The following LIMS1 variants were observed in gnomAD, a reference collection of about 807,000 sequenced individuals.
LIMS1 encodes LIM zinc finger domain containing 1.
Under a neutral mutation model 44.1 loss-of-function variants are expected in LIMS1, and 18 were observed. That is an observed-to-expected ratio of 0.41 (90% CI 0.28 to 0.61). LIMS1 has a LOEUF of 0.61. Ranked by LOEUF, LIMS1 falls within the 20% of genes least tolerant of loss-of-function variation. LIMS1 has a pLI of 0.32. For missense variants in LIMS1, 201 were observed against 422.0 expected, an observed-to-expected ratio of 0.48 and a Z score of 4.59; for synonymous variants, 93 against 149.1, an observed-to-expected ratio of 0.62 and a Z score of 2.74.
At chr2:108,613,247 C>T (rs1412591973) in intron 1 of LIMS1, among the ~76,000 whole-genome samples, 1 of 152,160 alleles carries the variant, frequency 6.6e-6, no homozygotes, top group Non-Finnish European at 1.5e-5. Flanking sequence ...TACAAGCAAA[C>T]ATTTTTATGT....
chr2:108,559,528 C>G (rs111441323), intron 1 of LIMS1, among the ~76,000 whole-genome samples: 26 of 152,222 alleles, frequency 1.7e-4, no homozygotes, highest in African/African-American at 5.1e-4. Flanking sequence ...GTTTGCAGCA[C>G]AGTGCTAGGT....
intron 1 of LIMS1, among the ~76,000 whole-genome samples, chr2:108,618,910 A>T (rs1688082335): frequency 6.6e-6 from 1 of 151,768 alleles, no homozygotes; most frequent in Admixed American, 6.6e-5. Flanking sequence ...TGGCAGTTTC[A>T]TCAGAACATA....
At chr2:108,634,999 T>C (rs1689139317) in intron 1 of LIMS1, among the ~76,000 whole-genome samples, 1 of 152,178 alleles carries the variant, frequency 6.6e-6, no homozygotes, top group African/African-American at 2.4e-5. Flanking sequence ...GGAGCTCACA[T>C]TGAGTGGCCC....
At chr2:108,596,372 G>A (rs1407365152) in intron 1 of LIMS1, among the ~76,000 whole-genome samples, 1 of 152,190 alleles carries the variant, frequency 6.6e-6, no homozygotes, top group African/African-American at 2.4e-5. Flanking sequence ...TGGCTCAGGA[G>A]TCTGGTGTTA....
chr2:108,670,604 A>G (rs1488379936), intron 2 of LIMS1, among the ~76,000 whole-genome samples, 177 bp from the exon 3 acceptor site: 1 of 152,076 alleles, frequency 6.6e-6, no homozygotes, highest in Non-Finnish European at 1.5e-5. Context: ...CTGTACCAAC[A>G]TGTAGATGTA....
intron 1 of LIMS1, among the ~76,000 whole-genome samples, chr2:108,542,392 A>T (rs541899821): frequency 7.2e-5 from 11 of 152,168 alleles, no homozygotes; most frequent in African/African-American, 2.7e-4. Flanking sequence ...TCACAGCCAC[A>T]CCACGAAGTA....
At chr2:108,666,795 A>T (rs1282490729) in intron 2 of LIMS1, among the ~76,000 whole-genome samples, 1 of 151,902 alleles carries the variant, frequency 6.6e-6, no homozygotes, top group African/African-American at 2.4e-5. Flanking sequence ...TTCTGAAAAA[A>T]AAAATAATAA....
At chr2:108,632,198 T>TG (rs1448358003) in intron 1 of LIMS1, among the ~76,000 whole-genome samples, 1 of 152,216 alleles carries the variant, frequency 6.6e-6, no homozygotes, top group African/African-American at 2.4e-5. Flanking sequence ...CTCGAACTCC[T>TG]GACCTCAGGT....
chr2:108,599,632 C>T (rs2104714542), intron 1 of LIMS1, among the ~76,000 whole-genome samples: 1 of 152,312 alleles, frequency 6.6e-6, no homozygotes, highest in East Asian at 1.9e-4. Context: ...TACTCATTTA[C>T]ATTTCCACCA....
intron 1 of LIMS1, among the ~76,000 whole-genome samples, chr2:108,554,917 C>A (rs2718747): frequency 0.17 from 25,940 of 152,106 alleles, 2,641 homozygotes; most frequent in African/African-American, 0.27. Context: ...CTCAGACCTA[C>A]CAAATCCGGA....
At chr2:108,533,894 G>C (rs1684009533), upstream of LIMS1, 1 of 152,990 alleles carries the variant, frequency 6.5e-6, no homozygotes, top group Admixed American at 6.5e-5. Context: ...ATCCAGACCA[G>C]GTCCTCCCGG....
chr2:108,610,075 G>A (rs1039213452), intron 1 of LIMS1, among the ~76,000 whole-genome samples: 7 of 151,986 alleles, frequency 4.6e-5, no homozygotes, highest in Non-Finnish European at 1.0e-4. Context: ...CCTGGGAGGT[G>A]GAGCTTGCAG....
chr2:108,612,237 G>A (rs1687697902), intron 1 of LIMS1, among the ~76,000 whole-genome samples: 1 of 151,892 alleles, frequency 6.6e-6, no homozygotes, highest in Admixed American at 6.6e-5. Context: ...TCCTTTGCAT[G>A]AAGCAGTAGG....
chr2:108,643,740 C>T (rs1047129255), intron 1 of LIMS1, among the ~76,000 whole-genome samples: 2 of 152,196 alleles, frequency 1.3e-5, no homozygotes, highest in African/African-American at 2.4e-5. Context: ...CCCACCCCCA[C>T]GGAGCCAAAC....
intron 1 of LIMS1, among the ~76,000 whole-genome samples, chr2:108,650,575 G>A (rs1690406864): frequency 1.3e-5 from 2 of 151,916 alleles, no homozygotes; most frequent in African/African-American, 2.4e-5. Flanking sequence ...CCACCACCAC[G>A]CCAGCTAATG....
intron 1 of LIMS1, among the ~76,000 whole-genome samples, chr2:108,602,080 C>T (rs545245826): frequency 1.7e-4 from 26 of 152,116 alleles, no homozygotes; most frequent in African/African-American, 5.1e-4. Flanking sequence ...AATGGGAGTA[C>T]TTTTTAAATT....
At chr2:108,573,758 A>G (rs1038468782) in intron 1 of LIMS1, among the ~76,000 whole-genome samples, 1 of 152,178 alleles carries the variant, frequency 6.6e-6, no homozygotes, top group African/African-American at 2.4e-5. Context: ...AACAGTATGG[A>G]GGAATGAGCT....
At chr2:108,647,054 A>G (rs778945927) in intron 1 of LIMS1, among the ~76,000 whole-genome samples, 5 of 152,252 alleles carry the variant, frequency 3.3e-5, no homozygotes, top group African/African-American at 1.2e-4. Context: ...TCAACAAAAT[A>G]GATAGACCAC....
chr2:108,612,029 T>TACAC (rs71381969), intron 1 of LIMS1, among the ~76,000 whole-genome samples: 7,622 of 79,890 alleles, frequency 0.095, 305 homozygotes, highest in Middle Eastern at 0.13. Flanking sequence ...CACACACATA[T>TACAC]ACACACACAC....
Sources: gnomAD v4.1 joint callset for allele counts (sites outside exome capture counted in the v4.1 genomes callset) on GRCh38, gnomAD v4.1.1 for gene constraint, MANE v1.5 for transcripts, NCBI Gene and HGNC (gene_info 2026-07-23, HGNC 2026-07-21) for gene names.